Variants in CHIC1 observed in about 807,000 individuals in gnomAD.
The protein encoded by CHIC1 is cysteine-rich hydrophobic domain-containing protein 1.
CHIC1 carries 7 observed loss-of-function variants against 18.5 expected under a neutral mutation model. That is an observed-to-expected ratio of 0.38 (90% CI 0.22 to 0.71). The LOEUF is 0.71. Ranked by LOEUF, CHIC1 falls within the 30% of genes least tolerant of loss-of-function variation. The pLI, the probability that CHIC1 is intolerant of heterozygous loss-of-function variation, is 0.49. For missense variants in CHIC1, 159 were observed against 176.9 expected, an observed-to-expected ratio of 0.90 and a Z score of 0.57; for synonymous variants, 77 against 73.5, an observed-to-expected ratio of 1.05 and a Z score of -0.25.
At chrX:73,603,256 A>G (rs1791139205) in intron 3 of CHIC1, among the ~76,000 whole-genome samples, 1 of 107,318 alleles carries the variant, frequency 9.3e-6, no homozygotes, top group Non-Finnish European at 1.9e-5. Flanking sequence ...CATTTTTTCT[A>G]TTTGTAGCAA....
chrX:73,603,852 G>C (rs1286978861), intron 3 of CHIC1, among the ~76,000 whole-genome samples: 2 of 108,821 alleles, frequency 1.8e-5, no homozygotes, highest in African/African-American at 7.1e-5. Context: ...GGATGAAACT[G>C]ACTTGATGGT....
At chrX:73,675,472 T>G (rs916956149) in intron 3 of CHIC1, among the ~76,000 whole-genome samples, 2 of 112,152 alleles carry the variant, frequency 1.8e-5, no homozygotes, top group Admixed American at 9.4e-5. Context: ...ATTGATCCCT[T>G]TCCCATAATG....
chrX:73,599,775 C>G (rs147268331), intron 3 of CHIC1, among the ~76,000 whole-genome samples: 1 of 107,606 alleles, frequency 9.3e-6, no homozygotes, highest in Non-Finnish European at 1.9e-5. Context: ...GTGATGCCTC[C>G]AGCTTTGTTC....
intron 1 of CHIC1, among the ~76,000 whole-genome samples, chrX:73,576,293 T>C (rs1253872336): frequency 2.7e-5 from 3 of 110,870 alleles, no homozygotes; most frequent in Admixed American, 1.9e-4. Context: ...TCATGTATTA[T>C]GTATTGTATG....
chrX:73,615,306 G>C (rs1172285599), intron 3 of CHIC1, among the ~76,000 whole-genome samples: 5 of 111,698 alleles, frequency 4.5e-5, no homozygotes, highest in African/African-American at 1.3e-4. Context: ...AGCAGGTCCA[G>C]TCAAACCAAT....
At chrX:73,606,246 T>C (rs751841184) in intron 3 of CHIC1, among the ~76,000 whole-genome samples, 1 of 106,926 alleles carries the variant, frequency 9.4e-6, no homozygotes, top group South Asian at 4.0e-4. Context: ...CTTCAATCTC[T>C]GATATCCTTT....
chrX:73,588,786 A>T (rs922826199), intron 3 of CHIC1, among the ~76,000 whole-genome samples: 1 of 110,191 alleles, frequency 9.1e-6, no homozygotes, highest in Non-Finnish European at 1.9e-5. Flanking sequence ...TTCTATTTCT[A>T]CTTGAGTCAA....
At chrX:73,591,739 G>T (rs189232891) in intron 3 of CHIC1, among the ~76,000 whole-genome samples, 34 of 111,555 alleles carry the variant, frequency 3.0e-4, no homozygotes, top group African/African-American at 1.0e-3. Flanking sequence ...AATACATTCA[G>T]TTTTCCTTGC....
intron 3 of CHIC1, among the ~76,000 whole-genome samples, chrX:73,630,157 G>A (rs1424476475): frequency 1.8e-5 from 2 of 111,503 alleles, no homozygotes; most frequent in Non-Finnish European, 3.8e-5. Context: ...TTTTGGTGGG[G>A]TCTTTATAGG....
At position 73,563,364 on chromosome X, in the gene CHIC1, C is replaced by T. The variant is rs1569498984; in HGVS notation, c.80C>T (p.Thr27Met). Residue 27 changes from threonine to methionine, a missense_variant, in exon 1 of 6, where the codon ACG becomes ATG. Physicochemically the swap from Thr to Met is moderately conservative, Grantham distance 81 (BLOSUM62 -1). Coordinates refer to ENST00000373502, the MANE Select transcript of CHIC1 (RefSeq NM_001039840.4). Reference protein sequence around the residue: ...LEEEEEEEAATSSSSPSSSSS... With the variant: ...LEEEEEEEAAMSSSSPSSSSS... The stretch of plus-strand genomic sequence containing the variant: ...GAGGAGGAGGAAGAAGAAGCGGCAA[C>T]GTCGTCGTCGTCGCCGTCGTCGTCG... The T allele has an allele frequency of 8.7e-7, 1 of 1,149,920 alleles. No individual in the cohort carries two copies. The highest frequency in any genetic ancestry group is 1.2e-6 in the Non-Finnish European group (1 of 864,951). 94.8% of individuals were successfully genotyped at this position (1,149,920 alleles called of 1,213,427 possible). A position where few individuals can be genotyped will look rare whatever the true frequency, so the allele number is the denominator to read the frequency against.
chrX:73,635,921 A>G (rs905562168), intron 3 of CHIC1, among the ~76,000 whole-genome samples: 1 of 110,053 alleles, frequency 9.1e-6, no homozygotes, highest in African/African-American at 3.3e-5. Flanking sequence ...TTATTCAAGT[A>G]CTCTCTTTTC....
In CHIC1 at chrX:73,637,632, T is replaced by C. The variant is rs551075627; in HGVS notation, c.508-41694T>C. ...TTGTTGATTCTTCTGCCTGCTCAAC[T>C]CTGCTCTTCAACTCCCTCTATTGAA... is the stretch of plus-strand genomic sequence containing the variant. On this transcript the variant is annotated intron_variant, in intron 3 of 5. Transcript: ENST00000373502. 3.1e-4 allele frequency among the ~76,000 whole-genome samples: 35 copies of C among 111,468 alleles called. No homozygotes were observed. In the South Asian group the frequency reaches 3.8e-3, roughly 12 times the overall value.
intron 3 of CHIC1, among the ~76,000 whole-genome samples, chrX:73,654,985 G>A (rs751702224): frequency 2.6e-4 from 29 of 110,367 alleles, no homozygotes; most frequent in East Asian, 1.1e-3. Context: ...ATGGTTTGCC[G>A]TGCAGATCAT....
chrX:73,574,890 T>A (rs2057489641), intron 1 of CHIC1, among the ~76,000 whole-genome samples: 1 of 110,027 alleles, frequency 9.1e-6, no homozygotes, highest in Non-Finnish European at 1.9e-5. Context: ...TTTCATCGAT[T>A]CTTTGTATGG....
intron 1 of CHIC1, among the ~76,000 whole-genome samples, chrX:73,572,950 A>G (rs1382885891): frequency 9.0e-6 from 1 of 111,175 alleles, no homozygotes; most frequent in Non-Finnish European, 1.9e-5. Context: ...CTTTAGTTTA[A>G]CTAGGTCTTA....
intron 1 of CHIC1, among the ~76,000 whole-genome samples, chrX:73,566,727 A>G (rs942201502): frequency 9.0e-6 from 1 of 111,446 alleles, no homozygotes; most frequent in African/African-American, 3.3e-5. Context: ...TCCTTAATTA[A>G]TATCACTGTG....
At chrX:73,622,815 TGG>T (rs1015052999) in intron 3 of CHIC1, among the ~76,000 whole-genome samples, 3 of 112,402 alleles carry the variant, frequency 2.7e-5, no homozygotes, top group African/African-American at 9.7e-5. Flanking sequence ...CTTTCTTCTG[TGG>T]GCATTTAGTG....
rs768153416 is a variant in CHIC1, at chrX:73,667,073, T to C, written c.508-12253T>C. The stretch of plus-strand genomic sequence containing the variant: ...TATATATTTAGGTAGTTAGCTCTTC[T>C]TGTTGAATTGAACCCTTTACCATTA... On this transcript the variant is annotated intron_variant, in intron 3 of 5. Transcript: ENST00000373502. Among the ~76,000 whole-genome samples the C allele has an allele frequency of 1.8e-5, 2 of 112,272 alleles. 1 individual carries two copies. The highest frequency in any genetic ancestry group is 5.6e-4 in the East Asian group (2 of 3,572).
intron 3 of CHIC1, among the ~76,000 whole-genome samples, chrX:73,636,291 A>G (rs774369301): frequency 3.6e-5 from 4 of 111,560 alleles, no homozygotes; most frequent in South Asian, 7.5e-4. Flanking sequence ...TTATATTTCT[A>G]AAAATGAGGT....
Sources: gnomAD v4.1 joint callset for allele counts (sites outside exome capture counted in the v4.1 genomes callset) on GRCh38, gnomAD v4.1.1 for gene constraint, MANE v1.5 for transcripts, NCBI Gene and HGNC (gene_info 2026-07-23, HGNC 2026-07-21) for gene names.